AGFG2: variants seen among roughly 807,000 people sequenced by gnomAD.
AGFG2 encodes arf-GAP domain and FG repeat-containing protein 2.
In AGFG2, 31 loss-of-function variants were observed where a neutral mutation model predicts 48.0. The ratio of observed to expected loss-of-function variants is 0.65; its 90% CI spans 0.49 to 0.87. The LOEUF (loss-of-function observed/expected upper bound fraction) is 0.87. Among genes scored for constraint, AGFG2 ranks in the 40% least tolerant of loss-of-function variants. The probability of loss-of-function intolerance (pLI) is 0.00; values close to 1 mark genes in which losing one functional copy is unlikely to be tolerated. For missense variants in AGFG2, 599 were observed against 632.6 expected, an observed-to-expected ratio of 0.95 and a Z score of 0.57; for synonymous variants, 229 against 260.8, an observed-to-expected ratio of 0.88 and a Z score of 1.18.
At position 100,562,142 on chromosome 7, in the gene AGFG2, AG is replaced by A. The variant is rs911097663; in HGVS notation, c.878-115del. The A allele has an allele frequency of 2.9e-5, 41 of 1,390,958 alleles. No individual in the cohort carries two copies. In the African/African-American group the frequency reaches 5.9e-4, roughly 20 times the overall value. The allele number at this position is 1,390,958 out of a possible 1,614,324, so 86.2% of individuals were successfully genotyped here. A position where few individuals can be genotyped will look rare whatever the true frequency, so the allele number is the denominator to read the frequency against. On this transcript the variant is annotated intron_variant, in intron 6 of 11. Coordinates refer to ENST00000300176, the MANE Select transcript of AGFG2 (RefSeq NM_006076.5). This position sits in a 1 kb window ranked among gnomAD's most constrained non-coding sequence, Gnocchi z 5.4. Reference sequence around the variant, plus strand: ...AATGGGCTGCCTCAGAGAACCCAGCAGGCACCTGTCATGCCATGACTCCAAT... The same window carrying A: ...AATGGGCTGCCTCAGAGAACCCAGCAGCACCTGTCATGCCATGACTCCAAT...
At chr7:100,563,713 T>C in intron 9 of AGFG2, 121 bp from the exon 10 acceptor site, 1 of 1,443,784 alleles carries the variant, frequency 6.9e-7, no homozygotes, top group African/African-American at 1.4e-5. Flanking sequence ...GCTGGGTCCC[T>C]CGTTCCTCAT....
Position 100,562,848 on chromosome 7 carries a change from A to T in AGFG2, c.1088-15A>T. 2 of 1,613,632 alleles carry T rather than the reference A, an allele frequency of 1.2e-6. No individual in the cohort carries two copies. The highest frequency in any genetic ancestry group is 4.5e-5 in the East Asian group (2 of 44,882). On this transcript the variant is annotated splice_polypyrimidine_tract_variant and intron_variant, in intron 8 of 11. Transcript: ENST00000300176. This position sits in a 1 kb window ranked among gnomAD's most constrained non-coding sequence, Gnocchi z 5.4. ...ATCTCTCTCTTTCCTGCCGCTCCCC[A>T]TTCCACCTGGGCAGCCTTCACTAAC...
In AGFG2 at chr7:100,567,834, A is replaced by G. The variant is rs1388706402; in HGVS notation, c.*2843A>G. 2 of 152,236 alleles carry G rather than the reference A, an allele frequency of 1.3e-5. No individual in the cohort carries two copies. Among genetic ancestry groups the G allele is most frequent in the African/African-American group, 4.8e-5 (2 of 41,446 alleles). 9.4% of individuals were successfully genotyped at this position (152,236 alleles called of 1,614,324 possible). Reference sequence around the variant, plus strand: ...TGCCACTTCCTGTCCCTGGGGAGCCACTCAAGTTACCAGGGCTACCGGCTG... The same window carrying G: ...TGCCACTTCCTGTCCCTGGGGAGCCGCTCAAGTTACCAGGGCTACCGGCTG... On this transcript the variant is annotated 3_prime_UTR_variant, in exon 12 of 12. Transcript: ENST00000300176.
intron 6 of AGFG2, among the ~76,000 whole-genome samples, chr7:100,561,744 C>A (rs991933690): frequency 6.6e-6 from 1 of 152,232 alleles, no homozygotes; most frequent in African/African-American, 2.4e-5. Flanking sequence ...GGCACTGGGG[C>A]GGCCTCCCGA....
rs1337576034 is a variant in AGFG2, at chr7:100,548,879, G to C, written c.279G>C (p.Glu93Asp). The C allele has an allele frequency of 6.2e-7, 1 of 1,613,794 alleles. No individual in the cohort carries two copies. Among genetic ancestry groups the C allele is most frequent in the Non-Finnish European group, 8.5e-7 (1 of 1,179,824 alleles). ...VKSISMTTFT[E>D]PEVVFLQSRG... ...CAATCTCCATGACAACTTTCACTGA[G>C]CCTGAAGTAGTATTCCTGCAATCCC... Residue 93 changes from glutamate to aspartate, a missense_variant, in exon 2 of 12, where the codon GAG becomes GAC. By Grantham distance (45) the Glu-to-Asp change is conservative. Transcript: ENST00000300176.
chr7:100,541,617 G>C (rs1010350577), intron 1 of AGFG2, among the ~76,000 whole-genome samples: 4 of 151,930 alleles, frequency 2.6e-5, no homozygotes, highest in African/African-American at 9.7e-5. Flanking sequence ...ACAAAAATTA[G>C]CCAGGCATGG....
rs1491536203 is a variant in AGFG2 at position 100,551,071 on chromosome 7, T to TA, written c.431+560_431+561insA. ...ATATATATATATATATATATATTTC[T>TA]TTTTTTTTTTTTTTTTGAGACAGAG... is the stretch of plus-strand genomic sequence containing the variant. On this transcript the variant is annotated intron_variant, in intron 3 of 11. Transcript: ENST00000300176. 5.5e-4 allele frequency among the ~76,000 whole-genome samples: 50 copies of TA among 90,378 alleles called. 1 individual carries two copies. The highest frequency in any genetic ancestry group is 1.4e-3 in the African/African-American group (27 of 19,668). The allele number at this position is 90,378 out of a possible 152,430, so 59.3% of individuals were successfully genotyped here.
At chr7:100,551,057 TATATATA>T (rs1173256575) in intron 3 of AGFG2, among the ~76,000 whole-genome samples, 67 of 113,608 alleles carry the variant, frequency 5.9e-4, no homozygotes, top group African/African-American at 2.3e-3. Context: ...TATATATATA[TATATATA>T]TATTTCTTTT....
At chr7:100,544,285 C>T (rs1217444177) in intron 1 of AGFG2, among the ~76,000 whole-genome samples, 2 of 152,164 alleles carry the variant, frequency 1.3e-5, no homozygotes, top group African/African-American at 2.4e-5. Flanking sequence ...TCTTCTATTT[C>T]TGCCCAACTT....
intron 9 of AGFG2, 97 bp downstream of exon 9, chr7:100,563,043 C>A: frequency 8.1e-7 from 1 of 1,238,724 alleles, no homozygotes; most frequent in Non-Finnish European, 1.1e-6. Flanking sequence ...CTCACGCTGT[C>A]AGGAGAAGCA....
chr7:100,556,541 C>CTTT, intron 6 of AGFG2: 1 of 1,276,936 alleles, frequency 7.8e-7, no homozygotes, highest in South Asian at 1.2e-5. Context: ...GACATACACT[C>CTTT]TTTCTTTCTC....
rs751436356 is a variant in AGFG2 at position 100,559,732 on chromosome 7, CAGCTG to C, written c.878-2523_878-2519del. 7.3e-5 allele frequency among the ~76,000 whole-genome samples: 11 copies of C among 151,334 alleles called. No individual in the cohort carries two copies. In the South Asian group the frequency reaches 1.0e-3, roughly 14 times the overall value. ...ACTCAGGAGGCTAAGGTGGGAGAATCAGCTGAGCCCTGAAGGTCGAGGCTGCAGTG... is the reference window on the plus strand; with the variant it reads ...ACTCAGGAGGCTAAGGTGGGAGAATCAGCCCTGAAGGTCGAGGCTGCAGTG... On this transcript the variant is annotated intron_variant, in intron 6 of 11. Transcript: ENST00000300176.
chr7:100,566,248 G>C lies in AGFG2; in HGVS notation c.*1257G>C, dbSNP rs890113944. 2.6e-5 allele frequency: 4 copies of C among 152,284 alleles called. No homozygotes were observed. 9.4% of individuals were successfully genotyped at this position (152,284 alleles called of 1,614,324 possible). A position where few individuals can be genotyped will look rare whatever the true frequency, so the allele number is the denominator to read the frequency against. ...TGGATGTGAGGGGAATGCCCACTGG[G>C]GCCAGGGTGGGCAAAGGAGGTTGGT... is the stretch of plus-strand genomic sequence containing the variant. On this transcript the variant is annotated 3_prime_UTR_variant, in exon 12 of 12. Coordinates refer to ENST00000300176, the MANE Select transcript of AGFG2 (RefSeq NM_006076.5).
chr7:100,539,598 G>A, intron 1 of AGFG2, 31 bp downstream of exon 1: 1 of 1,241,946 alleles, frequency 8.1e-7, no homozygotes, highest in Non-Finnish European at 1.0e-6. Context: ...GGCCGAGGTC[G>A]GCGTGGGGGG....
intron 6 of AGFG2, among the ~76,000 whole-genome samples, chr7:100,558,627 C>T (rs28366985): frequency 1.3e-5 from 2 of 151,368 alleles, no homozygotes; most frequent in Admixed American, 6.6e-5. Context: ...CTGCAAACTC[C>T]GCCTCTCGGG....
intron 1 of AGFG2, among the ~76,000 whole-genome samples, chr7:100,545,275 G>A (rs933543359): frequency 6.6e-6 from 1 of 152,172 alleles, no homozygotes; most frequent in African/African-American, 2.4e-5. Context: ...GAGCAGGTTT[G>A]ATGCTTTTAT....
intron 11 of AGFG2, 87 bp downstream of exon 11, chr7:100,564,390 C>A: frequency 3.0e-6 from 4 of 1,351,252 alleles, no homozygotes; most frequent in Non-Finnish European, 4.1e-6. Flanking sequence ...TGTGAGGTGG[C>A]CCCTGTGCCC....
intron 6 of AGFG2, among the ~76,000 whole-genome samples, chr7:100,558,201 C>T (rs958558844): frequency 8.5e-5 from 13 of 152,080 alleles, no homozygotes; most frequent in Admixed American, 2.0e-4. Context: ...GCGACAAGAG[C>T]GAGACTTTGT....
intron 6 of AGFG2, chr7:100,556,317 A>C (rs1800758073): frequency 4.9e-6 from 1 of 202,906 alleles, no homozygotes; most frequent in Admixed American, 5.4e-5. Context: ...CCCATCTCAA[A>C]ACAAACGAAC....
Sources: allele counts gnomAD v4.1 joint callset (sites outside exome capture counted in the v4.1 genomes callset), GRCh38; gene constraint gnomAD v4.1.1; non-coding constraint Gnocchi (gnomAD v3.1); transcripts MANE v1.5; gene names NCBI Gene and HGNC (gene_info 2026-07-23, HGNC 2026-07-21).